The following PCDHGA2 variants were observed in gnomAD, a reference collection of about 807,000 sequenced individuals.
PCDHGA2 encodes protocadherin gamma subfamily A, 2.
Under a neutral mutation model 59.2 loss-of-function variants are expected in PCDHGA2, and 40 were observed. The ratio of observed to expected loss-of-function variants is 0.68; its 90% confidence interval spans 0.52 to 0.88. The LOEUF (loss-of-function observed/expected upper bound fraction) is 0.88. Among genes scored for constraint, PCDHGA2 ranks in the 40% least tolerant of loss-of-function variants. PCDHGA2 has a pLI of 0.00. For missense variants in PCDHGA2, 1,226 were observed against 1,204.0 expected, an observed-to-expected ratio of 1.02 and a Z score of -0.27; for synonymous variants, 560 against 526.0, an observed-to-expected ratio of 1.06 and a Z score of -0.89.
chr5:141,375,028 T>C, intron 1 of PCDHGA2: 1 of 1,614,042 alleles, frequency 6.2e-7, no homozygotes, highest in Non-Finnish European at 8.5e-7. Flanking sequence ...CGAGTTTTTA[T>C]GAGCTGGGTG....
chr5:141,410,835 T>C (rs1360836957), intron 1 of PCDHGA2: 2 of 490,228 alleles, frequency 4.1e-6, no homozygotes, highest in Admixed American at 4.0e-5. Context: ...AGACTGAAGA[T>C]ATTTTGTCTT....
In PCDHGA2 at chr5:141,490,261, G is replaced by T; in HGVS notation, c.2425-4546G>T. 6.2e-7 allele frequency: 1 copy of T among 1,614,218 alleles called. No individual in the cohort carries two copies. Among genetic ancestry groups the T allele is most frequent in the Non-Finnish European group, 8.5e-7 (1 of 1,180,038 alleles). ...CCACTGTGTGATTCAAGTGGATGTG[G>T]GGGATGTCAATGACAATGCCCCAGA... On this transcript the variant is annotated intron_variant, in intron 1 of 3. Coordinates refer to ENST00000394576, the MANE Select transcript of PCDHGA2 (RefSeq NM_018915.4). The surrounding 1 kb of genome is among the most constrained non-coding windows in gnomAD (Gnocchi z 5.4).
In PCDHGA2 at chr5:141,490,108, C is replaced by A; in HGVS notation, c.2425-4699C>A. The A allele has an allele frequency of 6.2e-7, 1 of 1,614,244 alleles. No homozygotes were observed. The highest frequency in any genetic ancestry group is 8.5e-7 in the Non-Finnish European group (1 of 1,180,034). On this transcript the variant is annotated intron_variant, in intron 1 of 3. Transcript: ENST00000394576. This position sits in a 1 kb window ranked among gnomAD's most constrained non-coding sequence, Gnocchi z 5.4. The stretch of plus-strand genomic sequence containing the variant: ...TGGAGACCACACATCTGAGGCAGTG[C>A]GGAACCTCTTTGGCCTAGACCCTAG...
rs773888771 is a variant in PCDHGA2, at chr5:141,340,441, T to A, written c.1470T>A (p.Ser490=). 2 of 1,614,110 alleles carry A rather than the reference T, an allele frequency of 1.2e-6. No homozygotes were observed. The highest frequency in any genetic ancestry group is 1.7e-5 in the Admixed American group (1 of 60,002). The part of the protein sequence containing the change: ...DSNDNAHVTY[S]FAEDTVQGAP... ...ACGACAATGCTCATGTAACTTACTC[T>A]TTCGCGGAGGACACTGTTCAGGGGG... The change falls in exon 1 of 4, where the codon TCT becomes TCA. Residue 490 remains serine, a synonymous_variant. Coordinates refer to ENST00000394576, the MANE Select transcript of PCDHGA2 (RefSeq NM_018915.4).
At position 141,487,641 on chromosome 5, in the gene PCDHGA2, T is replaced by C. The variant is rs1343702532; in HGVS notation, c.2425-7166T>C. The stretch of plus-strand genomic sequence containing the variant: ...GTGAGACCTTTGCAGGCTCAACAAA[T>C]GCTTGAGGGTTATTCTGATCCAGGC... On this transcript the variant is annotated intron_variant, in intron 1 of 3. Coordinates refer to ENST00000394576, the MANE Select transcript of PCDHGA2 (RefSeq NM_018915.4). The surrounding 1 kb of genome is among the most constrained non-coding windows in gnomAD (Gnocchi z 5.0). The C allele has an allele frequency of 6.2e-7, 1 of 1,614,122 alleles. No individual in the cohort carries two copies. Among genetic ancestry groups the C allele is most frequent in the Non-Finnish European group, 8.5e-7 (1 of 1,179,998 alleles).
chr5:141,491,549 A>T lies in PCDHGA2; in HGVS notation c.2425-3258A>T, dbSNP rs748281587. 18 of 1,613,860 alleles carry T rather than the reference A, an allele frequency of 1.1e-5. No homozygotes were observed. In the East Asian group the frequency reaches 3.8e-4, roughly 34 times the overall value. On this transcript the variant is annotated intron_variant, in intron 1 of 3. Coordinates refer to ENST00000394576, the MANE Select transcript of PCDHGA2 (RefSeq NM_018915.4). This position sits in a 1 kb window ranked among gnomAD's most constrained non-coding sequence, Gnocchi z 6.9. Reference sequence around the variant, plus strand: ...GTGACGCTGCGGCCCACAGACTCGCAGAGCCACTGCTACAGGACGTGCTTT... The same window carrying T: ...GTGACGCTGCGGCCCACAGACTCGCTGAGCCACTGCTACAGGACGTGCTTT...
At chr5:141,350,327 T>C (rs1172233869) in intron 1 of PCDHGA2, 1 of 1,534,712 alleles carries the variant, frequency 6.5e-7, no homozygotes, top group Non-Finnish European at 8.7e-7. Flanking sequence ...GCTGTCTTTG[T>C]TCTGCGGGGC....
intron 1 of PCDHGA2, among the ~76,000 whole-genome samples, chr5:141,436,742 G>A (rs568532036): frequency 3.9e-4 from 59 of 152,304 alleles, no homozygotes; most frequent in Non-Finnish European, 7.1e-4. Flanking sequence ...ATTTTTGTGT[G>A]CTTCTCCATA....
intron 1 of PCDHGA2, chr5:141,367,674 T>C (rs1765283740): frequency 6.6e-6 from 1 of 152,182 alleles, no homozygotes. Context: ...TGTGGGCTTG[T>C]TGAGAGAAGA....
intron 3 of PCDHGA2, among the ~76,000 whole-genome samples, chr5:141,509,109 G>A (rs893509101): frequency 5.3e-5 from 8 of 152,240 alleles, no homozygotes; most frequent in African/African-American, 1.9e-4. Flanking sequence ...AAACCTGAGC[G>A]CTGGTGCGTG....
chr5:141,410,238 C>CA, intron 1 of PCDHGA2: 1 of 1,614,046 alleles, frequency 6.2e-7, no homozygotes, highest in Non-Finnish European at 8.5e-7. Context: ...AGCGACCGCC[C>CA]TGTACTCTCT....
intron 1 of PCDHGA2, chr5:141,344,080 T>A: frequency 1.9e-6 from 3 of 1,610,900 alleles, no homozygotes; most frequent in Non-Finnish European, 1.7e-6. Flanking sequence ...CTGGCCCTGC[T>A]GTGCGCGCTC....
rs766083208 is a variant in PCDHGA2, at chr5:141,477,506, G to A, written c.2425-17301G>A. 1.9e-6 allele frequency: 3 copies of A among 1,614,028 alleles called. No homozygotes were observed. Among genetic ancestry groups the A allele is most frequent in the South Asian group, 2.2e-5 (2 of 91,076 alleles). ...ACAATCTTCTCAATCTTCCTACGAC[G>A]TTTACATTGAAGAAAACAACCTCCC... On this transcript the variant is annotated intron_variant, in intron 1 of 3. Transcript: ENST00000394576. This position sits in a 1 kb window ranked among gnomAD's most constrained non-coding sequence, Gnocchi z 4.9.
At chr5:141,353,250 A>G (rs978848426) in intron 1 of PCDHGA2, among the ~76,000 whole-genome samples, 7 of 152,188 alleles carry the variant, frequency 4.6e-5, no homozygotes, top group Non-Finnish European at 8.8e-5. Context: ...GCCTTTTCTT[A>G]GTTGATATGC....
chr5:141,341,278 T>C lies in PCDHGA2; in HGVS notation c.2307T>C (p.Ile769=). The C allele has an allele frequency of 6.2e-7, 1 of 1,614,186 alleles. No individual in the cohort carries two copies. The highest frequency in any genetic ancestry group is 8.5e-7 in the Non-Finnish European group (1 of 1,180,036). ...LTADSRKSHL[I]FPQPNYADTL... is the part of the protein sequence containing the mutation. ...CGGACTCGCGGAAGAGCCACCTGAT[T>C]TTCCCCCAGCCCAACTATGCGGACA... The change falls in exon 1 of 4, where the codon ATT becomes ATC. Residue 769 remains isoleucine (I), a synonymous_variant. Transcript: ENST00000394576.
chr5:141,365,120 C>T, intron 1 of PCDHGA2: 1 of 1,613,898 alleles, frequency 6.2e-7, no homozygotes, highest in Non-Finnish European at 8.5e-7. Flanking sequence ...GCTGCTCATG[C>T]TAACCGCCAC....
At chr5:141,352,763 G>A in intron 1 of PCDHGA2, 2 of 1,302,156 alleles carry the variant, frequency 1.5e-6, no homozygotes, top group South Asian at 2.8e-5. Context: ...GCTGAGGCAG[G>A]TGGATCACTT....
At chr5:141,399,742 A>G in intron 1 of PCDHGA2, 14 of 1,613,320 alleles carry the variant, frequency 8.7e-6, no homozygotes, top group Non-Finnish European at 1.2e-5. Flanking sequence ...GCCTGCGCTC[A>G]GCGCAAACGT....
Position 141,423,884 on chromosome 5 carries a change from T to C in PCDHGA2, c.2425-70923T>C, listed in dbSNP as rs1253750785. On this transcript the variant is annotated intron_variant, in intron 1 of 3. Transcript: ENST00000394576. ...TGAAAGTCATTTTTCAATCTTGGCA[T>C]ATTTTCTTTTGATTTCAAAGGGGCC... The C allele has an allele frequency of 6.2e-6, 8 of 1,282,566 alleles. No individual in the cohort carries two copies. In the African/African-American group the frequency reaches 1.2e-4, roughly 20 times the overall value. 79.4% of individuals were successfully genotyped at this position (1,282,566 alleles called of 1,614,324 possible). A position where few individuals can be genotyped will look rare whatever the true frequency, so the allele number is the denominator to read the frequency against.
Sources: allele counts gnomAD v4.1 joint callset (sites outside exome capture counted in the v4.1 genomes callset), GRCh38; gene constraint gnomAD v4.1.1; non-coding constraint Gnocchi (gnomAD v3.1); transcripts MANE v1.5; gene names NCBI Gene and HGNC (gene_info 2026-07-23, HGNC 2026-07-21).